Variants in BICD1 observed in about 807,000 individuals in gnomAD.
BICD1 encodes protein bicaudal D homolog 1.
In BICD1, 35 loss-of-function variants were observed where a neutral mutation model predicts 92.5. The ratio of observed to expected loss-of-function variants is 0.38; its 90% CI spans 0.29 to 0.50. The LOEUF is 0.50. BICD1 is among the 20% of genes least tolerant of loss of function. BICD1 has a pLI of 0.93. For missense variants in BICD1, 950 were observed against 1,189.8 expected, an observed-to-expected ratio of 0.80 and a Z score of 2.97; for synonymous variants, 429 against 465.1, an observed-to-expected ratio of 0.92 and a Z score of 1.00.
At chr12:32,192,925 T>C (rs1944617177) in intron 1 of BICD1, among the ~76,000 whole-genome samples, 1 of 152,194 alleles carries the variant, frequency 6.6e-6, no homozygotes, top group Admixed American at 6.5e-5. Flanking sequence ...AATGAATGAG[T>C]ACTTGTTTCT....
chr12:32,168,654 C>A (rs113750610), intron 1 of BICD1, among the ~76,000 whole-genome samples: 6 of 152,158 alleles, frequency 3.9e-5, no homozygotes, highest in Non-Finnish European at 8.8e-5. Flanking sequence ...CTCTCTTAAT[C>A]GGGTCCACTG....
chr12:32,362,675 G>A (rs1434710371), intron 8 of BICD1, among the ~76,000 whole-genome samples: 1 of 152,160 alleles, frequency 6.6e-6, no homozygotes, highest in Non-Finnish European at 1.5e-5. Flanking sequence ...ATCCAGAGGA[G>A]TGAATAGAAA....
intron 8 of BICD1, among the ~76,000 whole-genome samples, chr12:32,359,002 G>A (rs1374466120): frequency 6.6e-6 from 1 of 152,062 alleles, no homozygotes; most frequent in East Asian, 1.9e-4. Context: ...AAAGAACATG[G>A]CCAGGTTTGC....
chr12:32,107,158 G>C lies in BICD1; in HGVS notation c.-174G>C. 1.1e-5 allele frequency: 7 copies of C among 639,958 alleles called. No homozygotes were observed. In the South Asian group the frequency reaches 1.4e-4, roughly 12 times the overall value. 39.6% of individuals were successfully genotyped at this position (639,958 alleles called of 1,614,324 possible). A position where few individuals can be genotyped will look rare whatever the true frequency, so the allele number is the denominator to read the frequency against. On this transcript the variant is annotated 5_prime_UTR_variant, in exon 1 of 10. Coordinates refer to ENST00000652176, the MANE Select transcript of BICD1 (RefSeq NM_001714.4). The stretch of plus-strand genomic sequence containing the variant: ...TGCATTTCTCGTCAGTTTCTCGGGC[G>C]GTGTAGCTGCCGCTGCCACCAGAGC...
chr12:32,246,912 G>T (rs1261426949), intron 2 of BICD1, among the ~76,000 whole-genome samples: 1 of 151,980 alleles, frequency 6.6e-6, no homozygotes, highest in East Asian at 1.9e-4. Context: ...GGGTTGGTTT[G>T]GGGGTGGGGA....
intron 1 of BICD1, among the ~76,000 whole-genome samples, chr12:32,177,176 G>C (rs1383591518): frequency 6.6e-6 from 1 of 151,742 alleles, no homozygotes; most frequent in Non-Finnish European, 1.5e-5. Flanking sequence ...TTAGCCAGGC[G>C]TGGTGGTGCG....
At chr12:32,258,363 C>A (rs1458026082) in intron 2 of BICD1, among the ~76,000 whole-genome samples, 1 of 151,902 alleles carries the variant, frequency 6.6e-6, no homozygotes, top group East Asian at 1.9e-4. Flanking sequence ...AATCGAAGAC[C>A]TTTTAATATG....
intron 1 of BICD1, among the ~76,000 whole-genome samples, chr12:32,121,814 T>A (rs1036205177): frequency 0.09 from 1,087 of 12,074 alleles, 11 homozygotes; most frequent in African/African-American, 0.2. Flanking sequence ...TTTGTCAAAT[T>A]TTTTTTTTTT....
At chr12:32,286,943 T>C (rs1947585257) in intron 2 of BICD1, among the ~76,000 whole-genome samples, 1 of 152,214 alleles carries the variant, frequency 6.6e-6, no homozygotes, top group African/African-American at 2.4e-5. Context: ...ACACTTATTT[T>C]CTAAGTATGT....
intron 1 of BICD1, among the ~76,000 whole-genome samples, chr12:32,202,885 A>G (rs960696514): frequency 6.6e-6 from 1 of 152,208 alleles, no homozygotes; most frequent in African/African-American, 2.4e-5. Context: ...TGCTGGGATT[A>G]TAGGCGTGAG....
At chr12:32,129,717 T>A (rs1193837472) in intron 1 of BICD1, among the ~76,000 whole-genome samples, 1 of 150,634 alleles carries the variant, frequency 6.6e-6, no homozygotes, top group Non-Finnish European at 1.5e-5. Context: ...CCAGTCTCTT[T>A]CTTAACCCTG....
intron 2 of BICD1, among the ~76,000 whole-genome samples, chr12:32,271,528 C>A (rs988560125): frequency 6.6e-6 from 1 of 152,152 alleles, no homozygotes; most frequent in Non-Finnish European, 1.5e-5. Context: ...ATTATTACAT[C>A]CTTAATGTGG....
intron 1 of BICD1, among the ~76,000 whole-genome samples, chr12:32,164,854 C>G (rs1011000956): frequency 2.6e-5 from 4 of 152,170 alleles, no homozygotes; most frequent in Non-Finnish European, 4.4e-5. Flanking sequence ...TAGAAGGTCA[C>G]AGGAGCCAAT....
intron 1 of BICD1, among the ~76,000 whole-genome samples, chr12:32,190,552 A>G (rs551613074): frequency 3.9e-5 from 6 of 152,262 alleles, no homozygotes; most frequent in Non-Finnish European, 5.9e-5. Flanking sequence ...AGGATATAAC[A>G]ATTATAAATA....
At chr12:32,362,729 G>T (rs79087830) in intron 8 of BICD1, among the ~76,000 whole-genome samples, 1 of 152,214 alleles carries the variant, frequency 6.6e-6, no homozygotes, top group East Asian at 1.9e-4. Flanking sequence ...TCCTTGTTCC[G>T]CCACTTCCTA....
chr12:32,346,578 ATATACGTG>A (rs1938604256), intron 8 of BICD1, among the ~76,000 whole-genome samples: 3 of 26,204 alleles, frequency 1.1e-4, no homozygotes, highest in South Asian at 1.9e-3. Flanking sequence ...ATATATATAT[ATATACGTG>A]TATATATATA....
intron 2 of BICD1, among the ~76,000 whole-genome samples, chr12:32,247,587 T>A (rs2093894120): frequency 6.6e-6 from 1 of 151,950 alleles, no homozygotes; most frequent in Admixed American, 6.6e-5. Context: ...AAGACCAGCC[T>A]GGACAATATG....
At chr12:32,192,388 C>T (rs941430196) in intron 1 of BICD1, among the ~76,000 whole-genome samples, 13 of 148,030 alleles carry the variant, frequency 8.8e-5, no homozygotes, top group African/African-American at 1.3e-4. Flanking sequence ...GAGCTAAGAT[C>T]GTGCCATTGC....
At chr12:32,118,527 A>G (rs1306039717) in intron 1 of BICD1, among the ~76,000 whole-genome samples, 2 of 152,214 alleles carry the variant, frequency 1.3e-5, no homozygotes, top group Non-Finnish European at 2.9e-5. Flanking sequence ...TTTTTTGGTC[A>G]TTGTTCCCTG....
Sources: allele counts gnomAD v4.1 joint callset (sites outside exome capture counted in the v4.1 genomes callset), GRCh38; gene constraint gnomAD v4.1.1; transcripts MANE v1.5; gene names NCBI Gene and HGNC (gene_info 2026-07-23, HGNC 2026-07-21).